CDC42SE2: variants seen among roughly 807,000 people sequenced by gnomAD.
CDC42SE2 encodes the protein CDC42 small effector 2.
In CDC42SE2, 3 loss-of-function variants were observed where a neutral mutation model predicts 11.5. That is an observed-to-expected ratio of 0.26 (90% CI 0.12 to 0.67). The LOEUF (loss-of-function observed/expected upper bound fraction) is 0.67, where lower values mean the gene tolerates loss of function less well. Among genes scored for constraint, CDC42SE2 ranks in the 30% least tolerant of loss-of-function variants. The pLI is 0.80. For missense variants in CDC42SE2, 82 were observed against 106.8 expected (o/e 0.77, Z 1.02); for synonymous variants, 33 against 34.8 (o/e 0.95, Z 0.18).
the CDC42SE2 span, among the ~76,000 whole-genome samples, chr5:131,231,884 C>G: frequency 6.6e-6 from 1 of 151,868 alleles, no homozygotes; most frequent in Non-Finnish European, 1.5e-5. Context: ...CTCCACCTCC[C>G]AGGTTCAAGC....
chr5:131,217,738 TTAA>T, the CDC42SE2 span, among the ~76,000 whole-genome samples: 3 of 152,196 alleles, frequency 2.0e-5, no homozygotes, highest in Non-Finnish European at 2.9e-5. Context: ...TACATTAAAC[TTAA>T]TAACCTCTGT....
the CDC42SE2 span, among the ~76,000 whole-genome samples, chr5:131,226,998 T>C: frequency 6.6e-6 from 1 of 152,158 alleles, no homozygotes; most frequent in Non-Finnish European, 1.5e-5. Flanking sequence ...TCTAGCTACA[T>C]ATAGTTAGGC....
chr5:131,252,786 C>T (rs1388792480), intron 1 of CDC42SE2, among the ~76,000 whole-genome samples: 1 of 152,150 alleles, frequency 6.6e-6, no homozygotes, highest in African/African-American at 2.4e-5. Flanking sequence ...AGGCATCAGC[C>T]TCTCATATCT....
chr5:131,351,893 A>G (rs1759021808), intron 2 of CDC42SE2, among the ~76,000 whole-genome samples: 1 of 152,242 alleles, frequency 6.6e-6, no homozygotes, highest in Non-Finnish European at 1.5e-5. Context: ...AGACCAGGAC[A>G]AAATATTCAC....
At chr5:131,360,443 TAAATA>T (rs1298076011) in intron 3 of CDC42SE2, among the ~76,000 whole-genome samples, 2 of 152,068 alleles carry the variant, frequency 1.3e-5, no homozygotes, top group African/African-American at 4.8e-5. Context: ...TTAAGGTGCC[TAAATA>T]AAATGTTACT....
the CDC42SE2 span, among the ~76,000 whole-genome samples, chr5:131,239,774 T>G: frequency 6.6e-6 from 1 of 152,338 alleles, no homozygotes; most frequent in South Asian, 2.1e-4. Flanking sequence ...ATTCCTCATC[T>G]GGAAGAAGCT....
intron 1 of CDC42SE2, among the ~76,000 whole-genome samples, chr5:131,309,448 A>G (rs1256002074): frequency 6.6e-6 from 1 of 152,100 alleles, no homozygotes; most frequent in Admixed American, 6.6e-5. Flanking sequence ...TATCAGAATG[A>G]TGCTGGCCTC....
At chr5:131,252,371 C>A (rs904125354) in intron 1 of CDC42SE2, among the ~76,000 whole-genome samples, 1 of 152,118 alleles carries the variant, frequency 6.6e-6, no homozygotes, top group African/African-American at 2.4e-5. Context: ...AACTCCTTAT[C>A]GGCCAGTTGC....
At chr5:131,350,051 G>T (rs1008952062) in intron 2 of CDC42SE2, among the ~76,000 whole-genome samples, 4 of 152,006 alleles carry the variant, frequency 2.6e-5, no homozygotes, top group Admixed American at 2.0e-4. Context: ...ATAGATTACA[G>T]AGTAATTGAG....
chr5:131,366,955 A>G (rs1230937110), intron 3 of CDC42SE2, among the ~76,000 whole-genome samples: 1 of 151,890 alleles, frequency 6.6e-6, no homozygotes, highest in Non-Finnish European at 1.5e-5. Flanking sequence ...TTGAGCTGGG[A>G]GGTTGAAGCT....
intron 1 of CDC42SE2, among the ~76,000 whole-genome samples, chr5:131,298,253 C>T (rs377659102): frequency 6.6e-6 from 1 of 151,810 alleles, no homozygotes; most frequent in Non-Finnish European, 1.5e-5. Flanking sequence ...CAGGCAGGCA[C>T]CACCATGCCT....
chr5:131,230,970 T>C, the CDC42SE2 span, among the ~76,000 whole-genome samples: 79 of 151,698 alleles, frequency 5.2e-4, no homozygotes, highest in African/African-American at 1.8e-3. Flanking sequence ...TACACACACA[T>C]GTATGTATAT....
At chr5:131,365,930 G>C (rs1300617039) in intron 3 of CDC42SE2, among the ~76,000 whole-genome samples, 2 of 152,088 alleles carry the variant, frequency 1.3e-5, no homozygotes, top group Non-Finnish European at 2.9e-5. Flanking sequence ...TGCAGTGAGT[G>C]GAGATTGCGC....
intron 1 of CDC42SE2, among the ~76,000 whole-genome samples, chr5:131,269,874 A>G (rs554794678): frequency 4.0e-5 from 6 of 150,890 alleles, no homozygotes; most frequent in African/African-American, 1.2e-4. Context: ...CAACCTGGCC[A>G]ACATGGTGAA....
chr5:131,268,045 A>G (rs924396852), intron 1 of CDC42SE2, among the ~76,000 whole-genome samples: 3 of 144,764 alleles, frequency 2.1e-5, no homozygotes, highest in African/African-American at 7.7e-5. Context: ...GTACATGTAC[A>G]TGCTTATTCT....
intron 1 of CDC42SE2, among the ~76,000 whole-genome samples, chr5:131,298,447 G>A (rs1022824219): frequency 1.3e-5 from 2 of 150,974 alleles, no homozygotes; most frequent in Admixed American, 6.7e-5. Context: ...ATGAATTTAG[G>A]TACCATAGAA....
rs181049472 is a variant in CDC42SE2, at chr5:131,309,466, G to A, written c.-454-6510G>A. ...CAGAATGATGCTGGCCTCATAAAAT[G>A]AGTTAGGGAGGATTCCCTCTTTTTC... On this transcript the variant is annotated intron_variant, in intron 1 of 4. Coordinates refer to ENST00000505065, the MANE Select transcript of CDC42SE2 (RefSeq NM_001375635.1). 3.2e-3 allele frequency among the ~76,000 whole-genome samples: 480 copies of A among 152,158 alleles called. 2 individuals carry two copies. The highest frequency in any genetic ancestry group is 6.8e-3 in the Middle Eastern group (2 of 292).
At chr5:131,311,172 T>G (rs1168873640) in intron 1 of CDC42SE2, among the ~76,000 whole-genome samples, 1 of 152,090 alleles carries the variant, frequency 6.6e-6, no homozygotes, top group Admixed American at 6.6e-5. Context: ...TGCTTGTCTG[T>G]AAAGGATTTT....
chr5:131,312,595 C>G (rs1486500482), intron 1 of CDC42SE2, among the ~76,000 whole-genome samples: 1 of 152,184 alleles, frequency 6.6e-6, no homozygotes, highest in Non-Finnish European at 1.5e-5. Context: ...CAGCGATACT[C>G]CGTGGGCGTA....
Sources: allele counts gnomAD v4.1 joint callset (sites outside exome capture counted in the v4.1 genomes callset), GRCh38; gene constraint gnomAD v4.1.1; transcripts MANE v1.5; gene names NCBI Gene and HGNC (gene_info 2026-07-23, HGNC 2026-07-21).